The following AP3B1 variants were observed in gnomAD, a reference collection of about 807,000 sequenced individuals.
AP3B1 encodes AP-3 complex subunit beta-1.
In AP3B1, 61 loss-of-function variants were observed where a neutral mutation model predicts 132.5. The ratio of observed to expected loss-of-function variants is 0.46; its 90% CI spans 0.37 to 0.57. The LOEUF (loss-of-function observed/expected upper bound fraction) is 0.57. Among genes scored for constraint, AP3B1 ranks in the 20% least tolerant of loss-of-function variants. The pLI, the probability that AP3B1 is intolerant of heterozygous loss-of-function variation, is 0.00. For missense variants in AP3B1, 1,120 were observed against 1,289.4 expected (o/e 0.87, Z 2.01); for synonymous variants, 388 against 438.3 (o/e 0.89, Z 1.43).
At chr5:78,265,376 A>G (rs1748278904) in intron 2 of AP3B1, among the ~76,000 whole-genome samples, 1 of 152,110 alleles carries the variant, frequency 6.6e-6, no homozygotes, top group Non-Finnish European at 1.5e-5. Flanking sequence ...TCAGGAGTTC[A>G]AAGCTGCAAT....
intron 2 of AP3B1, 75 bp downstream of exon 2, chr5:78,267,445 T>TCA (rs1554033957): frequency 1.7e-6 from 1 of 577,602 alleles, no homozygotes. Context: ...TAACGTATTT[T>TCA]TATATATATA....
intron 22 of AP3B1, among the ~76,000 whole-genome samples, chr5:78,065,597 T>A (rs1401633416): frequency 6.6e-6 from 1 of 152,126 alleles, no homozygotes; most frequent in Non-Finnish European, 1.5e-5. Flanking sequence ...TCCTCCTCAC[T>A]GAGCTGGGCC....
At chr5:78,105,038 TTAAA>T (rs1264383826) in intron 20 of AP3B1, among the ~76,000 whole-genome samples, 1 of 152,292 alleles carries the variant, frequency 6.6e-6, no homozygotes, top group African/African-American at 2.4e-5. Context: ...TGCAAGTACA[TTAAA>T]TACTTAATAT....
intron 11 of AP3B1, among the ~76,000 whole-genome samples, chr5:78,171,685 C>A (rs951043495): frequency 1.3e-5 from 2 of 152,176 alleles, no homozygotes; most frequent in African/African-American, 4.8e-5. Context: ...CATCTGCAAA[C>A]AGGGACAATT....
chr5:78,004,780 A>C (rs554392998), intron 26 of AP3B1, among the ~76,000 whole-genome samples: 1 of 152,382 alleles, frequency 6.6e-6, no homozygotes, highest in South Asian at 2.1e-4. Context: ...CTGACAGAGC[A>C]GTATTCCTAC....
chr5:78,044,493 CTG>C, intron 22 of AP3B1, among the ~76,000 whole-genome samples: 1 of 152,240 alleles, frequency 6.6e-6, no homozygotes, highest in Middle Eastern at 3.4e-3. Flanking sequence ...AGCTTTATCT[CTG>C]TGGAAATTCA....
chr5:78,267,470 C>G, intron 2 of AP3B1, 50 bp downstream of exon 2: 1 of 971,916 alleles, frequency 1.0e-6, no homozygotes, highest in Non-Finnish European at 1.6e-6. Flanking sequence ...ATAATATGAT[C>G]ACTGCTTGTC....
At chr5:78,190,821 T>C (rs1257611967) in intron 7 of AP3B1, among the ~76,000 whole-genome samples, 2 of 152,248 alleles carry the variant, frequency 1.3e-5, no homozygotes, top group East Asian at 1.9e-4. Context: ...ACTTTCTTTC[T>C]AGAAGCCATG....
chr5:78,090,268 T>A (rs1402739307), intron 21 of AP3B1, among the ~76,000 whole-genome samples: 1 of 152,226 alleles, frequency 6.6e-6, no homozygotes, highest in Non-Finnish European at 1.5e-5. Context: ...ACTCTTGATA[T>A]GTGGCTAGTA....
intron 22 of AP3B1, among the ~76,000 whole-genome samples, chr5:78,039,993 G>A (rs914899749): frequency 5.4e-5 from 8 of 149,522 alleles, no homozygotes; most frequent in African/African-American, 2.0e-4. Context: ...TGATTTTCTT[G>A]GGTGTTTTAG....
intron 22 of AP3B1, among the ~76,000 whole-genome samples, chr5:78,060,604 T>C (rs1388757642): frequency 6.6e-6 from 1 of 152,188 alleles, no homozygotes; most frequent in Non-Finnish European, 1.5e-5. Flanking sequence ...GCCCGACTCA[T>C]ACGCTACTGA....
intron 22 of AP3B1, among the ~76,000 whole-genome samples, chr5:78,064,075 A>G (rs1403350409): frequency 4.0e-5 from 6 of 151,576 alleles, no homozygotes; most frequent in African/African-American, 1.5e-4. Flanking sequence ...CACAGTGGAC[A>G]TTAAAAAAAA....
intron 22 of AP3B1, among the ~76,000 whole-genome samples, chr5:78,068,686 G>A (rs1230816394): frequency 2.0e-5 from 3 of 152,222 alleles, no homozygotes; most frequent in East Asian, 3.9e-4. Flanking sequence ...AAGAGGAGAT[G>A]ATAACCTTTC....
At chr5:78,102,018 A>G (rs1751149942) in intron 20 of AP3B1, among the ~76,000 whole-genome samples, 1 of 152,096 alleles carries the variant, frequency 6.6e-6, no homozygotes, top group Non-Finnish European at 1.5e-5. Context: ...TTAAATATAT[A>G]TTAGATTCTG....
intron 1 of AP3B1, among the ~76,000 whole-genome samples, chr5:78,277,759 T>C (rs1442919123): frequency 6.6e-6 from 1 of 152,218 alleles, no homozygotes; most frequent in African/African-American, 2.4e-5. Flanking sequence ...GCAGGCTATA[T>C]ACTAAACTTG....
chr5:78,136,587 A>AAC (rs1240545933), intron 15 of AP3B1, among the ~76,000 whole-genome samples: 1 of 152,126 alleles, frequency 6.6e-6, no homozygotes, highest in Non-Finnish European at 1.5e-5. Context: ...TTTCAGATTA[A>AAC]CCCTCTTTCT....
intron 2 of AP3B1, among the ~76,000 whole-genome samples, chr5:78,264,751 T>C (rs1245504365): frequency 6.6e-6 from 1 of 152,252 alleles, no homozygotes; most frequent in Non-Finnish European, 1.5e-5. Context: ...GAAAGATTTA[T>C]ACAAAACTAT....
chr5:78,110,957 T>G lies in AP3B1; in HGVS notation c.2250-603A>C, dbSNP rs552454380. ...ATTTTTTGTAGAGACAGGGTCTCAC[T>G]AGGTTGCCTAGGCTGGTCTGGAACT... On this transcript the variant is annotated intron_variant, in intron 19 of 26. Transcript: ENST00000255194. 6.1e-4 allele frequency among the ~76,000 whole-genome samples: 93 copies of G among 152,122 alleles called. 3 individuals are homozygous for G. The South Asian group carries it at 0.018, about 30-fold the overall frequency.
rs370380606 is a variant in AP3B1, at chr5:78,183,591, T to C, written c.787-1929A>G. 1.9e-3 allele frequency among the ~76,000 whole-genome samples: 285 copies of C among 152,222 alleles called. 1 individual carries two copies. Among genetic ancestry groups the C allele is most frequent in the African/African-American group, 6.5e-3 (272 of 41,550 alleles). On this transcript the variant is annotated intron_variant, in intron 7 of 26. Transcript: ENST00000255194. ...TAGCAAAGAATTATAAAGTCTAGAC[T>C]GGGTGCAGTGACCCATGCCTGTCAT...
Sources: allele counts gnomAD v4.1 joint callset (sites outside exome capture counted in the v4.1 genomes callset), GRCh38; gene constraint gnomAD v4.1.1; transcripts MANE v1.5; gene names NCBI Gene and HGNC (gene_info 2026-07-23, HGNC 2026-07-21).